The following DNAH9 variants were observed in gnomAD, a reference collection of about 807,000 sequenced individuals.
DNAH9 encodes the protein DNAH9 variant protein.
In DNAH9, 345 loss-of-function variants were observed where a neutral mutation model predicts 471.6. That is an observed-to-expected ratio of 0.73 (90% CI 0.67 to 0.80). The LOEUF is 0.80. Ranked by LOEUF, DNAH9 falls within the 30% of genes least tolerant of loss-of-function variation. The probability of loss-of-function intolerance (pLI) is 0.00; values close to 1 mark genes in which losing one functional copy is unlikely to be tolerated. For missense variants in DNAH9, 5,407 were observed against 5,609.2 expected (o/e 0.96, Z 1.15); for synonymous variants, 2,093 against 2,123.6 (o/e 0.99, Z 0.40).
chr17:11,613,345 G>A (rs1316230022), intron 4 of DNAH9, among the ~76,000 whole-genome samples: 1 of 152,184 alleles, frequency 6.6e-6, no homozygotes, highest in Non-Finnish European at 1.5e-5. Flanking sequence ...AAAGGGGCTT[G>A]GCACAGTGGC....
chr17:11,713,075 T>C (rs1356423921), intron 26 of DNAH9, among the ~76,000 whole-genome samples: 1 of 151,968 alleles, frequency 6.6e-6, no homozygotes, highest in East Asian at 1.9e-4. Flanking sequence ...CCAAGTAGAC[T>C]CTAGTATCTG....
At chr17:11,774,050 C>T (rs1192646754) in intron 38 of DNAH9, among the ~76,000 whole-genome samples, 6 of 152,028 alleles carry the variant, frequency 3.9e-5, no homozygotes, top group Admixed American at 2.6e-4. Flanking sequence ...GCAGGAGAAT[C>T]GCTTAAACCT....
At chr17:11,761,847 A>C (rs1967682625) in intron 35 of DNAH9, among the ~76,000 whole-genome samples, 1 of 152,026 alleles carries the variant, frequency 6.6e-6, no homozygotes, top group African/African-American at 2.4e-5. Context: ...TCTGATTGCT[A>C]ATTTCCAGGC....
chr17:11,772,960 T>C (rs1055163237), intron 38 of DNAH9, among the ~76,000 whole-genome samples: 21 of 152,234 alleles, frequency 1.4e-4, no homozygotes, highest in African/African-American at 4.8e-4. Flanking sequence ...CAATCTTGAT[T>C]ATTTGGGCTT....
intron 19 of DNAH9, among the ~76,000 whole-genome samples, chr17:11,688,547 C>G (rs548860966): frequency 2.0e-5 from 3 of 152,242 alleles, no homozygotes; most frequent in African/African-American, 4.8e-5. Flanking sequence ...TTGCCTGAAG[C>G]TGATGCAGGC....
chr17:11,654,113 T>C (rs2073574007), intron 14 of DNAH9, among the ~76,000 whole-genome samples: 1 of 66,872 alleles, frequency 1.5e-5, no homozygotes, highest in Non-Finnish European at 3.7e-5. Context: ...CCCAGCACTT[T>C]GGGAGGCCGA....
chr17:11,886,606 C>T (rs1215607923), intron 56 of DNAH9, among the ~76,000 whole-genome samples: 1 of 151,022 alleles, frequency 6.6e-6, no homozygotes, highest in Non-Finnish European at 1.5e-5. Flanking sequence ...AGAGCTGACA[C>T]CTCACCCTCC....
intron 26 of DNAH9, among the ~76,000 whole-genome samples, chr17:11,717,369 T>C (rs2074981705): frequency 8.2e-6 from 1 of 121,838 alleles, no homozygotes; most frequent in Non-Finnish European, 1.8e-5. Context: ...CCCGTCTCTA[T>C]TTTTTAAAGG....
At chr17:11,727,729 A>G in intron 27 of DNAH9, 89 bp from the exon 28 acceptor site, 3 of 828,640 alleles carry the variant, frequency 3.6e-6, no homozygotes, top group Non-Finnish European at 6.2e-6. Context: ...GACTAGAAGT[A>G]TCTATAATAA....
intron 17 of DNAH9, among the ~76,000 whole-genome samples, chr17:11,671,654 T>G (rs906986252): frequency 6.6e-5 from 10 of 152,148 alleles, no homozygotes; most frequent in African/African-American, 2.4e-4. Flanking sequence ...ATATGGAAAG[T>G]GTGCTCACGA....
intron 45 of DNAH9, among the ~76,000 whole-genome samples, chr17:11,819,517 A>G (rs1315224397): frequency 1.3e-5 from 2 of 152,062 alleles, no homozygotes; most frequent in Admixed American, 1.3e-4. Flanking sequence ...TCCTGGGTTC[A>G]AGCGATTCTT....
chr17:11,687,312 C>T (rs552205981), intron 19 of DNAH9, among the ~76,000 whole-genome samples: 9 of 152,088 alleles, frequency 5.9e-5, no homozygotes, highest in African/African-American at 1.4e-4. Context: ...TAACGAGCGT[C>T]GAAGTTAATC....
intron 19 of DNAH9, among the ~76,000 whole-genome samples, chr17:11,682,062 C>T (rs73975054): frequency 0.21 from 31,213 of 152,032 alleles, 3,643 homozygotes; most frequent in African/African-American, 0.32. Context: ...TGTCCAGGAT[C>T]GTTCTGGTTG....
intron 14 of DNAH9, among the ~76,000 whole-genome samples, chr17:11,653,625 T>C (rs1183390523): frequency 2.0e-5 from 3 of 152,206 alleles, no homozygotes. Flanking sequence ...GTCTGACAAG[T>C]TGACTCCTGT....
chr17:11,943,848 C>A (rs1239234266), intron 67 of DNAH9, among the ~76,000 whole-genome samples: 1 of 152,150 alleles, frequency 6.6e-6, no homozygotes, highest in African/African-American at 2.4e-5. Flanking sequence ...AAATTCTGTG[C>A]CAGCTTGTAA....
intron 3 of DNAH9, among the ~76,000 whole-genome samples, chr17:11,610,938 G>C (rs141951069): frequency 3.3e-3 from 502 of 152,272 alleles, no homozygotes; most frequent in Non-Finnish European, 5.6e-3. Context: ...TGAATACAGA[G>C]GAGTTTTGGG....
At chr17:11,832,349 G>A (rs1228412945) in intron 48 of DNAH9, among the ~76,000 whole-genome samples, 1 of 152,046 alleles carries the variant, frequency 6.6e-6, no homozygotes, top group African/African-American at 2.4e-5. Flanking sequence ...CAAAAAAAAA[G>A]CCACTTCAAT....
chr17:11,737,459 C>G (rs1294351141), intron 28 of DNAH9, among the ~76,000 whole-genome samples: 2 of 152,104 alleles, frequency 1.3e-5, no homozygotes, highest in Non-Finnish European at 1.5e-5. Flanking sequence ...TGCACCGGCC[C>G]CAGCTTTTGG....
chr17:11,874,201 C>T lies in DNAH9; in HGVS notation c.10243-748C>T, dbSNP rs999986685. ...TGGAGTTTGCATGGAGCTGAGATGA[C>T]GCCATTGCACTCCAGCCTGTGTGAC... On this transcript the variant is annotated intron_variant, in intron 52 of 68. Coordinates refer to ENST00000262442, the MANE Select transcript of DNAH9 (RefSeq NM_001372.4). 6.5e-5 allele frequency among the ~76,000 whole-genome samples: 9 copies of T among 138,314 alleles called. No homozygotes were observed. In the East Asian group the frequency reaches 7.0e-4, roughly 11 times the overall value. The allele number at this position is 138,314 out of a possible 152,430, so 90.7% of individuals were successfully genotyped here.
Sources: gnomAD v4.1 joint callset for allele counts (sites outside exome capture counted in the v4.1 genomes callset) on GRCh38, gnomAD v4.1.1 for gene constraint, MANE v1.5 for transcripts, NCBI Gene and HGNC (gene_info 2026-07-23, HGNC 2026-07-21) for gene names.